The following SGIP1 variants were observed in gnomAD, a reference collection of about 807,000 sequenced individuals.
The protein encoded by SGIP1 is SH3GL interacting endocytic adaptor 1, also known as SH3-containing GRB2-like protein 3-interacting protein 1.
In SGIP1, 38 loss-of-function variants were observed where a neutral mutation model predicts 107.5. The observed-to-expected ratio is 0.35, with a 90% confidence interval of 0.27 to 0.46. The LOEUF is 0.46. SGIP1 is among the 20% of genes least tolerant of loss of function. The pLI, the probability that SGIP1 is intolerant of heterozygous loss-of-function variation, is 1.00. For synonymous variants in SGIP1, 365 were observed against 366.1 expected (o/e 1.00, Z 0.03); for missense variants, 929 against 1,019.5 (o/e 0.91, Z 1.21).
intron 18 of SGIP1, among the ~76,000 whole-genome samples, chr1:66,717,425 A>C (rs1303473409): frequency 1.3e-5 from 2 of 152,164 alleles, no homozygotes; most frequent in Admixed American, 1.3e-4. Context: ...AACCATGGAT[A>C]ATTCAACATG....
At chr1:66,633,976 T>C in intron 3 of SGIP1, 1 of 936,660 alleles carries the variant, frequency 1.1e-6, no homozygotes, top group Non-Finnish European at 1.6e-6. Flanking sequence ...GTTCTTAGCT[T>C]TGGGGCGCCT....
chr1:66,588,348 C>T (rs1240746915), intron 1 of SGIP1, among the ~76,000 whole-genome samples: 3 of 151,900 alleles, frequency 2.0e-5, no homozygotes, highest in Non-Finnish European at 4.4e-5. Context: ...GGTACTTGCC[C>T]TCATTTTCCT....
intron 1 of SGIP1, among the ~76,000 whole-genome samples, chr1:66,591,607 G>A (rs570845031): frequency 5.6e-4 from 86 of 152,294 alleles, no homozygotes; most frequent in Non-Finnish European, 9.7e-4. Context: ...GGTGTTTCTC[G>A]TCAGGTGGGA....
intron 1 of SGIP1, among the ~76,000 whole-genome samples, chr1:66,569,364 T>A (rs371442483): frequency 6.6e-6 from 1 of 151,868 alleles, no homozygotes; most frequent in African/African-American, 2.4e-5. Flanking sequence ...TAGCTGTAGG[T>A]TTTTTGTAGA....
intron 1 of SGIP1, among the ~76,000 whole-genome samples, chr1:66,601,377 G>A (rs549995245): frequency 3.9e-5 from 6 of 151,918 alleles, no homozygotes; most frequent in Non-Finnish European, 7.4e-5. Context: ...ACACAAACAA[G>A]CAAACAAACA....
intron 8 of SGIP1, 92 bp downstream of exon 8, chr1:66,660,616 C>A: frequency 8.4e-7 from 1 of 1,187,306 alleles, no homozygotes. Context: ...CTGTGTTTAA[C>A]ACCTAAACAA....
chr1:66,556,117 C>A (rs533860101), intron 1 of SGIP1, among the ~76,000 whole-genome samples: 1 of 152,246 alleles, frequency 6.6e-6, no homozygotes, highest in South Asian at 2.1e-4. Context: ...CTAAGTCAGC[C>A]TCTCTGGTCA....
intron 1 of SGIP1, among the ~76,000 whole-genome samples, chr1:66,598,467 C>T (rs1382174245): frequency 1.6e-4 from 24 of 152,108 alleles, no homozygotes; most frequent in Admixed American, 1.5e-3. Context: ...CCTCTGGCCA[C>T]GTGTATTAGT....
At chr1:66,611,819 A>T (rs1411842332) in intron 1 of SGIP1, among the ~76,000 whole-genome samples, 5 of 152,164 alleles carry the variant, frequency 3.3e-5, no homozygotes, top group African/African-American at 1.2e-4. Flanking sequence ...TTACTTGGAG[A>T]GGGAACGCTG....
At chr1:66,596,860 T>C (rs1434228361) in intron 1 of SGIP1, among the ~76,000 whole-genome samples, 1 of 152,134 alleles carries the variant, frequency 6.6e-6, no homozygotes, top group Non-Finnish European at 1.5e-5. Flanking sequence ...CAATTGCATC[T>C]ATTTCAATTG....
intron 19 of SGIP1, among the ~76,000 whole-genome samples, chr1:66,726,150 G>A (rs58494073): frequency 0.02 from 3,037 of 152,300 alleles, 96 homozygotes; most frequent in African/African-American, 0.069. Context: ...CTAGCACTAC[G>A]TAAGCCTTGT....
intron 2 of SGIP1, among the ~76,000 whole-genome samples, chr1:66,631,960 C>A (rs2149388654): frequency 6.6e-6 from 1 of 152,242 alleles, no homozygotes; most frequent in African/African-American, 2.4e-5. Flanking sequence ...ACTGTGGCTA[C>A]CTTTTAGTTT....
At chr1:66,697,045 AC>A (rs2091057721) in intron 18 of SGIP1, among the ~76,000 whole-genome samples, 1 of 152,110 alleles carries the variant, frequency 6.6e-6, no homozygotes, top group Admixed American at 6.6e-5. Flanking sequence ...CACTTTGCCA[AC>A]CCTCAAATCA....
intron 1 of SGIP1, among the ~76,000 whole-genome samples, chr1:66,599,147 G>A (rs191328135): frequency 6.6e-6 from 1 of 152,016 alleles, no homozygotes; most frequent in South Asian, 2.1e-4. Flanking sequence ...AGTTATTAAG[G>A]ACATAAATGC....
intron 9 of SGIP1, among the ~76,000 whole-genome samples, chr1:66,670,252 T>G (rs2083469689): frequency 3.3e-5 from 5 of 152,180 alleles, no homozygotes; most frequent in Admixed American, 3.3e-4. Flanking sequence ...AATCAATCCT[T>G]TTACTATCTA....
At chr1:66,563,036 A>G (rs1330342961) in intron 1 of SGIP1, among the ~76,000 whole-genome samples, 1 of 152,040 alleles carries the variant, frequency 6.6e-6, no homozygotes, top group Non-Finnish European at 1.5e-5. Context: ...AAATTGAAGA[A>G]AAAAACAGGG....
chr1:66,621,011 G>A (rs999525724), intron 1 of SGIP1, among the ~76,000 whole-genome samples: 32 of 152,238 alleles, frequency 2.1e-4, no homozygotes, highest in South Asian at 6.2e-4. Flanking sequence ...CAAGATGCCC[G>A]CATGGATGGA....
At chr1:66,558,279 G>A (rs2058464691) in intron 1 of SGIP1, among the ~76,000 whole-genome samples, 1 of 151,688 alleles carries the variant, frequency 6.6e-6, no homozygotes, top group African/African-American at 2.4e-5. Flanking sequence ...GCTTAGAGGG[G>A]CCCTACACTT....
intron 19 of SGIP1, among the ~76,000 whole-genome samples, chr1:66,719,876 G>A (rs183631184): frequency 3.3e-5 from 5 of 152,074 alleles, no homozygotes; most frequent in East Asian, 1.9e-4. Context: ...CAAAACACAC[G>A]AAGTAGCAAG....
Sources: allele counts gnomAD v4.1 joint callset (sites outside exome capture counted in the v4.1 genomes callset), GRCh38; gene constraint gnomAD v4.1.1; transcripts MANE v1.5; gene names NCBI Gene and HGNC (gene_info 2026-07-23, HGNC 2026-07-21).